Variants in ARHGAP15 observed in about 807,000 individuals in gnomAD.
ARHGAP15 encodes Rho GTPase activating protein 15, also known as rho GTPase-activating protein 15.
In ARHGAP15, 51 loss-of-function variants were observed where a neutral mutation model predicts 63.7. That is an observed-to-expected ratio of 0.80 (90% CI 0.64 to 1.01). ARHGAP15 has a LOEUF of 1.01. Among genes scored for constraint, ARHGAP15 ranks in the 50% least tolerant of loss-of-function variants. The probability of loss-of-function intolerance (pLI) is 0.00; values close to 1 mark genes in which losing one functional copy is unlikely to be tolerated. For missense variants in ARHGAP15, 560 were observed against 564.6 expected (o/e 0.99, Z 0.08); for synonymous variants, 191 against 193.8 (o/e 0.99, Z 0.12).
chr2:143,627,586 C>T (rs1698885071), intron 12 of ARHGAP15, among the ~76,000 whole-genome samples: 1 of 152,150 alleles, frequency 6.6e-6, no homozygotes, highest in Non-Finnish European at 1.5e-5. Flanking sequence ...TCATAGCTTA[C>T]ATAGCCTCTT....
chr2:143,742,865 T>C (rs1475623348), intron 13 of ARHGAP15, among the ~76,000 whole-genome samples: 2 of 152,202 alleles, frequency 1.3e-5, no homozygotes, highest in African/African-American at 2.4e-5. Flanking sequence ...AGCAAAGCCA[T>C]AACCACGACT....
At chr2:143,377,551 T>A (rs1686872556) in intron 6 of ARHGAP15, among the ~76,000 whole-genome samples, 1 of 151,996 alleles carries the variant, frequency 6.6e-6, no homozygotes, top group Non-Finnish European at 1.5e-5. Flanking sequence ...AAGCTAGTTT[T>A]GTTTCCTATT....
intron 6 of ARHGAP15, among the ~76,000 whole-genome samples, chr2:143,307,987 AAAG>A (rs1683254830): frequency 6.6e-6 from 1 of 152,256 alleles, no homozygotes; most frequent in African/African-American, 2.4e-5. Flanking sequence ...TTCTTGATGA[AAAG>A]AATATAATTC....
chr2:143,293,548 T>C (rs1682501433), intron 6 of ARHGAP15, among the ~76,000 whole-genome samples: 1 of 152,036 alleles, frequency 6.6e-6, no homozygotes, highest in Non-Finnish European at 1.5e-5. Flanking sequence ...TAGAGTGTGA[T>C]TTTATTTATT....
At position 143,656,336 on chromosome 2, in the gene ARHGAP15, G is replaced by A. The variant is rs182166255; in HGVS notation, c.1138+32069G>A. Among the ~76,000 whole-genome samples, 352 of 152,248 alleles carry A rather than the reference G, an allele frequency of 2.3e-3. 2 individuals are homozygous for A. Among genetic ancestry groups the A allele is most frequent in the Non-Finnish European group, 3.0e-3 (206 of 68,020 alleles). ...TATTATTGTCAAAAGTGATGCTCCC[G>A]GTTTAGTTATATACAGTATTTATAA... On this transcript the variant is annotated intron_variant, in intron 12 of 13. Transcript: ENST00000295095.
At chr2:143,501,829 A>G (rs1693078353) in intron 9 of ARHGAP15, among the ~76,000 whole-genome samples, 1 of 152,228 alleles carries the variant, frequency 6.6e-6, no homozygotes, top group South Asian at 2.1e-4. Flanking sequence ...GAATATAAAT[A>G]TTCCAAATGT....
chr2:143,241,654 C>T (rs1369921970), intron 5 of ARHGAP15, among the ~76,000 whole-genome samples: 1 of 152,170 alleles, frequency 6.6e-6, no homozygotes, highest in African/African-American at 2.4e-5. Context: ...AAGCTGCTTC[C>T]CAATGACAAC....
chr2:143,569,809 A>G (rs1056269530), intron 11 of ARHGAP15, among the ~76,000 whole-genome samples: 6 of 152,232 alleles, frequency 3.9e-5, no homozygotes, highest in Non-Finnish European at 8.8e-5. Flanking sequence ...TTGTTACAGT[A>G]GCACAGTCAA....
intron 6 of ARHGAP15, among the ~76,000 whole-genome samples, chr2:143,422,643 A>G (rs1244458638): frequency 6.6e-6 from 1 of 152,148 alleles, no homozygotes. Flanking sequence ...TCTTATAACT[A>G]TGGTGCCTTG....
intron 6 of ARHGAP15, among the ~76,000 whole-genome samples, chr2:143,278,856 GTTTC>G (rs1231725571): frequency 4.3e-5 from 6 of 140,646 alleles, no homozygotes; most frequent in South Asian, 2.2e-4. Context: ...ACGCTGAAGA[GTTTC>G]TTTCTTTCTT....
intron 6 of ARHGAP15, among the ~76,000 whole-genome samples, chr2:143,413,966 T>TGTGTGTGTGCGCGCGCGCGCGC: frequency 9.4e-4 from 111 of 117,912 alleles, no homozygotes; most frequent in East Asian, 3.1e-3. Flanking sequence ...TGTGTGTGTG[T>TGTGTGTGTGCGCGCGCGCGCGC]GCGCGCTCTC....
At chr2:143,454,486 G>T (rs1292755441) in intron 8 of ARHGAP15, among the ~76,000 whole-genome samples, 1 of 152,026 alleles carries the variant, frequency 6.6e-6, no homozygotes, top group East Asian at 1.9e-4. Context: ...GTGGAGTAAA[G>T]CTCCTCATCT....
At chr2:143,227,729 A>G (rs1462521479) in intron 4 of ARHGAP15, among the ~76,000 whole-genome samples, 1 of 152,156 alleles carries the variant, frequency 6.6e-6, no homozygotes, top group African/African-American at 2.4e-5. Flanking sequence ...TATTATATGC[A>G]ATTTATTTAA....
intron 10 of ARHGAP15, among the ~76,000 whole-genome samples, chr2:143,541,400 C>T (rs1695045645): frequency 3.3e-5 from 5 of 152,168 alleles, no homozygotes; most frequent in Admixed American, 3.3e-4. Context: ...CTCCATCCAG[C>T]TTTGTTCTGT....
chr2:143,345,328 G>T (rs1007632198), intron 6 of ARHGAP15, among the ~76,000 whole-genome samples: 26 of 152,114 alleles, frequency 1.7e-4, no homozygotes, highest in African/African-American at 5.8e-4. Flanking sequence ...TTCAAATTCT[G>T]ACTTCTGCCA....
intron 12 of ARHGAP15, among the ~76,000 whole-genome samples, chr2:143,631,993 T>C (rs554582941): frequency 2.8e-4 from 42 of 152,224 alleles, no homozygotes; most frequent in African/African-American, 9.6e-4. Context: ...AGGTGTCTAA[T>C]TTTTCTCTAG....
intron 11 of ARHGAP15, among the ~76,000 whole-genome samples, chr2:143,588,781 T>G (rs2105163154): frequency 6.6e-6 from 1 of 152,316 alleles, no homozygotes. Flanking sequence ...CCCTGTACTG[T>G]GTTAAGCAAT....
intron 4 of ARHGAP15, among the ~76,000 whole-genome samples, chr2:143,221,323 A>T (rs766265478): frequency 2.6e-5 from 4 of 151,986 alleles, no homozygotes; most frequent in Non-Finnish European, 5.9e-5. Context: ...TAAGCAGGAG[A>T]TGGTAAAAGG....
chr2:143,228,339 T>A (rs1485553222), intron 4 of ARHGAP15, among the ~76,000 whole-genome samples: 1 of 152,118 alleles, frequency 6.6e-6, no homozygotes, highest in Non-Finnish European at 1.5e-5. Flanking sequence ...AAAAAGATAT[T>A]AGGAGGATCT....
Sources: gnomAD v4.1 joint callset for allele counts (sites outside exome capture counted in the v4.1 genomes callset) on GRCh38, gnomAD v4.1.1 for gene constraint, MANE v1.5 for transcripts, NCBI Gene and HGNC (gene_info 2026-07-23, HGNC 2026-07-21) for gene names.